ELF1: variants seen among roughly 807,000 people sequenced by gnomAD.
ELF1 encodes E74 like ETS transcription factor 1.
ELF1 carries 24 observed loss-of-function variants against 59.9 expected under a neutral mutation model. That is an observed-to-expected ratio of 0.40 (90% CI 0.29 to 0.56). The LOEUF is 0.56. Among genes scored for constraint, ELF1 ranks in the 20% least tolerant of loss-of-function variants. The pLI is 0.44. For synonymous variants in ELF1, 248 were observed against 266.2 expected, an observed-to-expected ratio of 0.93 and a Z score of 0.67; for missense variants, 627 against 742.2, an observed-to-expected ratio of 0.84 and a Z score of 1.80.
rs1052554325 is a variant in ELF1 at position 40,978,881 on chromosome 13, G to A, written c.72+3102C>T. 2.0e-5 allele frequency among the ~76,000 whole-genome samples: 3 copies of A among 151,630 alleles called. No individual in the cohort carries two copies. In the East Asian group the frequency reaches 5.8e-4, roughly 29 times the overall value. On this transcript the variant is annotated intron_variant, in intron 2 of 8. Transcript: ENST00000239882. ...ATTAATACAGCTCCTCTTACCCCCC[G>A]CAACTTTTATTTTAGATTCAGGGGG...
intron 2 of ELF1, among the ~76,000 whole-genome samples, chr13:40,976,771 C>T (rs999801393): frequency 1.3e-5 from 2 of 152,004 alleles, no homozygotes; most frequent in African/African-American, 4.8e-5. Flanking sequence ...AACTCCTGCT[C>T]TCATGTGATA....
intron 3 of ELF1, among the ~76,000 whole-genome samples, chr13:40,955,776 GGGGTCAGC>G (rs1871337721): frequency 1.1e-4 from 6 of 55,630 alleles, no homozygotes; most frequent in African/African-American, 5.8e-4. Flanking sequence ...GGGAGGCGGG[GGGGTCAGC>G]CCCCCGCCCG....
Position 40,933,520 on chromosome 13 carries a change from G to A in ELF1, c.1765C>T (p.Pro589Ser). 1.9e-6 allele frequency: 3 copies of A among 1,614,202 alleles called. No homozygotes were observed. Among genetic ancestry groups the A allele is most frequent in the Non-Finnish European group, 2.5e-6 (3 of 1,180,040 alleles). The change falls in exon 9 of 9, where the codon CCA (proline) becomes TCA (serine). Residue 589 changes from proline (P) to serine (S), a missense_variant. By Grantham distance (74) the Pro-to-Ser change is moderately conservative. Transcript: ENST00000239882. ...KENTEKTEQQ[P>S]QPYVMVVSSS... Reference sequence around the variant, plus strand: ...GACACTACCATCACATAAGGCTGTGGCTGCTGCTCCGTTTTCTCAGTGTTC... The same window carrying A: ...GACACTACCATCACATAAGGCTGTGACTGCTGCTCCGTTTTCTCAGTGTTC...
chr13:40,986,896 A>C (rs539833785), intron 1 of ELF1, among the ~76,000 whole-genome samples: 9 of 151,956 alleles, frequency 5.9e-5, no homozygotes, highest in African/African-American at 2.2e-4. Context: ...AAGGATATTA[A>C]ACCCACGAAT....
At chr13:41,016,503 G>A (rs1875372049) in intron 1 of ELF1, among the ~76,000 whole-genome samples, 1 of 152,164 alleles carries the variant, frequency 6.6e-6, no homozygotes, top group Non-Finnish European at 1.5e-5. Flanking sequence ...TTTAAGATAA[G>A]TGTAATGTTA....
rs554128874 is a variant in ELF1 at position 40,955,916 on chromosome 13, C to G, written c.253+2920G>C. On this transcript the variant is annotated intron_variant, in intron 3 of 8. Transcript: ENST00000239882. ...GAGGGAGGCGGGGAGGTCAGCCCCC[C>G]GCCCGGCCAGCCGCCCCGTCCGGGA... Among the ~76,000 whole-genome samples the G allele has an allele frequency of 1.6e-5, 2 of 125,226 alleles. 1 individual carries two copies. Among genetic ancestry groups the G allele is most frequent in the East Asian group, 4.8e-4 (2 of 4,182 alleles). 82.2% of individuals were successfully genotyped at this position (125,226 alleles called of 152,430 possible).
At chr13:41,055,676 CATT>C (rs747679199) in intron 1 of ELF1, among the ~76,000 whole-genome samples, 3 of 151,812 alleles carry the variant, frequency 2.0e-5, no homozygotes, top group Non-Finnish European at 2.9e-5. Flanking sequence ...TAAATTATTC[CATT>C]ATTATTTTAA....
intron 3 of ELF1, 159 bp from the exon 4 acceptor site, chr13:40,951,595 G>A: frequency 4.5e-6 from 2 of 448,980 alleles, no homozygotes; most frequent in Non-Finnish European, 7.4e-6. Context: ...AAACCTGGCT[G>A]GCGCAGTGGC....
chr13:40,980,730 T>A (rs1366553636), intron 2 of ELF1, among the ~76,000 whole-genome samples: 1 of 152,206 alleles, frequency 6.6e-6, no homozygotes, highest in Non-Finnish European at 1.5e-5. Context: ...GGCTGCATAG[T>A]AAACACACTG....
chr13:40,956,497 T>C (rs1706691387), intron 3 of ELF1, among the ~76,000 whole-genome samples: 1 of 149,282 alleles, frequency 6.7e-6, no homozygotes. Context: ...TCTGCACTTA[T>C]CTGCTGACCT....
At chr13:40,963,260 G>A (rs987432687) in intron 2 of ELF1, among the ~76,000 whole-genome samples, 2 of 152,154 alleles carry the variant, frequency 1.3e-5, no homozygotes, top group Non-Finnish European at 2.9e-5. Flanking sequence ...TTGTTCTGCT[G>A]GCATACTTAC....
intron 1 of ELF1, among the ~76,000 whole-genome samples, chr13:40,983,187 C>T (rs75318591): frequency 0.021 from 3,216 of 152,076 alleles, 77 homozygotes; most frequent in Middle Eastern, 0.088. Context: ...ATGATTATGG[C>T]CTGAAAAGAA....
intron 2 of ELF1, 37 bp from the exon 3 acceptor site, chr13:40,959,053 G>T (rs1028483530): frequency 1.9e-6 from 3 of 1,546,038 alleles, no homozygotes; most frequent in African/African-American, 2.8e-5. Context: ...GAAAACAAAG[G>T]ATTAACACAG....
intron 1 of ELF1, among the ~76,000 whole-genome samples, chr13:41,038,679 T>C (rs1876482524): frequency 6.6e-6 from 1 of 152,254 alleles, no homozygotes; most frequent in African/African-American, 2.4e-5. Context: ...AATGTAAAAG[T>C]ATGGAATAAA....
intron 1 of ELF1, among the ~76,000 whole-genome samples, chr13:41,017,962 A>G (rs1220164688): frequency 6.6e-6 from 1 of 152,178 alleles, no homozygotes; most frequent in East Asian, 1.9e-4. Context: ...CTTTCTTGTA[A>G]GACCGCAAAA....
chr13:41,043,668 T>C (rs529077524), intron 1 of ELF1, among the ~76,000 whole-genome samples: 8 of 152,204 alleles, frequency 5.3e-5, no homozygotes, highest in Non-Finnish European at 1.2e-4. Flanking sequence ...TCTATATCTG[T>C]TTTGGTAGCA....
chr13:41,045,913 G>C (rs1876823973), intron 1 of ELF1, among the ~76,000 whole-genome samples: 1 of 152,116 alleles, frequency 6.6e-6, no homozygotes, highest in Non-Finnish European at 1.5e-5. Flanking sequence ...TATTGTGTGG[G>C]AGTCTAAGTC....
intron 1 of ELF1, among the ~76,000 whole-genome samples, chr13:40,997,391 G>C (rs1874185245): frequency 6.6e-6 from 1 of 151,990 alleles, no homozygotes; most frequent in African/African-American, 2.4e-5. Flanking sequence ...CCGAGTAGCT[G>C]GGACTACAGG....
intron 1 of ELF1, among the ~76,000 whole-genome samples, chr13:40,985,439 G>C (rs913728126): frequency 5.9e-5 from 9 of 152,166 alleles, no homozygotes; most frequent in South Asian, 2.1e-4. Context: ...ACTAAAACTA[G>C]AATTCTTGTT....
Sources: allele counts gnomAD v4.1 joint callset (sites outside exome capture counted in the v4.1 genomes callset), GRCh38; gene constraint gnomAD v4.1.1; transcripts MANE v1.5; gene names NCBI Gene and HGNC (gene_info 2026-07-23, HGNC 2026-07-21).